The following SUPT3H variants were observed in gnomAD, a reference collection of about 807,000 sequenced individuals.
SUPT3H encodes transcription initiation protein SPT3 homolog.
SUPT3H carries 44 observed loss-of-function variants against 44.3 expected under a neutral mutation model. That is an observed-to-expected ratio of 0.99 (90% CI 0.78 to 1.28). The LOEUF is 1.28. SUPT3H is among the 50% of genes most tolerant of loss of function. The pLI, the probability that SUPT3H is intolerant of heterozygous loss-of-function variation, is 0.00. For synonymous variants in SUPT3H, 124 were observed against 125.6 expected (o/e 0.99, Z 0.09); for missense variants, 380 against 387.1 (o/e 0.98, Z 0.15).
chr6:44,905,510 T>C (rs889440190), intron 10 of SUPT3H, among the ~76,000 whole-genome samples: 1 of 150,640 alleles, frequency 6.6e-6, no homozygotes, highest in African/African-American at 2.4e-5. Flanking sequence ...CATTAAAAAG[T>C]CAGGAAACAA....
chr6:45,181,910 A>C (rs943167557), intron 2 of SUPT3H, among the ~76,000 whole-genome samples: 5 of 151,242 alleles, frequency 3.3e-5, no homozygotes, highest in Non-Finnish European at 5.9e-5. Context: ...TAATAAAACT[A>C]TACCTTGTCT....
intron 2 of SUPT3H, among the ~76,000 whole-genome samples, chr6:45,353,957 C>T (rs1581832210): frequency 6.6e-6 from 1 of 151,446 alleles, no homozygotes; most frequent in African/African-American, 2.4e-5. Flanking sequence ...CAGACAAGCA[C>T]AAAAGAAGAA....
chr6:44,862,704 T>TA (rs537220758), intron 10 of SUPT3H, among the ~76,000 whole-genome samples: 2 of 149,856 alleles, frequency 1.3e-5, no homozygotes, highest in South Asian at 4.2e-4. Flanking sequence ...AATATTAAAA[T>TA]AAAAAAAGAA....
At chr6:45,354,162 C>A (rs1792648382) in intron 2 of SUPT3H, among the ~76,000 whole-genome samples, 1 of 152,098 alleles carries the variant, frequency 6.6e-6, no homozygotes, top group African/African-American at 2.4e-5. Context: ...AAAAATTCCT[C>A]TATGACTTTC....
At chr6:44,844,085 T>C (rs1771468533) in intron 10 of SUPT3H, among the ~76,000 whole-genome samples, 1 of 151,556 alleles carries the variant, frequency 6.6e-6, no homozygotes, top group Non-Finnish European at 1.5e-5. Flanking sequence ...AGAGTCCAAA[T>C]AGACCTACAC....
chr6:44,925,037 C>T (rs2153458266), intron 10 of SUPT3H, among the ~76,000 whole-genome samples: 1 of 152,206 alleles, frequency 6.6e-6, no homozygotes, highest in Non-Finnish European at 1.5e-5. Flanking sequence ...AACAATCTGC[C>T]ATGCCACTTT....
intron 7 of SUPT3H, among the ~76,000 whole-genome samples, chr6:44,960,833 T>C (rs1227417655): frequency 6.6e-6 from 1 of 152,110 alleles, no homozygotes; most frequent in Non-Finnish European, 1.5e-5. Context: ...TTCCAAAACA[T>C]GTTTTCCTAT....
intron 3 of SUPT3H, among the ~76,000 whole-genome samples, chr6:45,054,847 G>C (rs141467348): frequency 6.6e-6 from 1 of 152,066 alleles, no homozygotes; most frequent in East Asian, 1.9e-4. Context: ...AACTTTGAAT[G>C]TGTGCCCTAA....
chr6:44,972,467 G>A (rs892238869), intron 6 of SUPT3H, among the ~76,000 whole-genome samples: 1 of 152,138 alleles, frequency 6.6e-6, no homozygotes, highest in Non-Finnish European at 1.5e-5. Context: ...TTCATGGGCT[G>A]GTGTTGAGTA....
At chr6:45,320,525 C>T (rs1255619972) in intron 2 of SUPT3H, among the ~76,000 whole-genome samples, 3 of 151,966 alleles carry the variant, frequency 2.0e-5, no homozygotes, top group African/African-American at 7.2e-5. Flanking sequence ...GTGATCCTCC[C>T]ACCTCAGCCT....
At chr6:44,830,009 C>T (rs1768337794) in intron 10 of SUPT3H, 152 bp from the exon 11 acceptor site, 4 of 659,636 alleles carry the variant, frequency 6.1e-6, no homozygotes, top group Middle Eastern at 2.9e-4. Context: ...GGTGGCAAAA[C>T]TATAGCAACC....
chr6:45,023,884 C>G (rs944771176), intron 3 of SUPT3H, among the ~76,000 whole-genome samples: 9 of 152,124 alleles, frequency 5.9e-5, no homozygotes, highest in African/African-American at 2.2e-4. Flanking sequence ...CAAACCTTCA[C>G]ATGTACCCCT....
At chr6:44,918,146 A>T (rs1254390587) in intron 10 of SUPT3H, among the ~76,000 whole-genome samples, 2 of 152,128 alleles carry the variant, frequency 1.3e-5, no homozygotes, top group African/African-American at 4.8e-5. Context: ...ATCCCCTTGA[A>T]ACCACTCCCA....
At chr6:44,975,641 G>A (rs1219734909) in intron 6 of SUPT3H, among the ~76,000 whole-genome samples, 1 of 8,656 alleles carries the variant, frequency 1.2e-4, no homozygotes, top group African/African-American at 1.7e-3. Flanking sequence ...CACTGCTCGG[G>A]TTACAGTGCA....
chr6:44,844,825 T>C (rs1433217246), intron 10 of SUPT3H, among the ~76,000 whole-genome samples: 1 of 152,142 alleles, frequency 6.6e-6, no homozygotes, highest in Non-Finnish European at 1.5e-5. Flanking sequence ...GTGATGGTGG[T>C]TTTATGGCTA....
chr6:44,919,540 G>A (rs1268655153), intron 10 of SUPT3H, among the ~76,000 whole-genome samples: 1 of 149,958 alleles, frequency 6.7e-6, no homozygotes, highest in Non-Finnish European at 1.5e-5. Context: ...CCTGAAATTA[G>A]TTTCCCTGGT....
At chr6:45,065,837 G>C (rs1793196386) in intron 3 of SUPT3H, among the ~76,000 whole-genome samples, 1 of 149,662 alleles carries the variant, frequency 6.7e-6, no homozygotes, top group African/African-American at 2.5e-5. Flanking sequence ...CAACCAAAAA[G>C]AGTCCAGGAC....
At chr6:45,063,403 TCTC>T (rs945021926) in intron 3 of SUPT3H, among the ~76,000 whole-genome samples, 6 of 150,860 alleles carry the variant, frequency 4.0e-5, no homozygotes, top group Non-Finnish European at 8.8e-5. Flanking sequence ...GCAGAGCGTC[TCTC>T]CTCCTCCAAA....
intron 2 of SUPT3H, among the ~76,000 whole-genome samples, chr6:45,346,567 C>CTTTTTTTTTTTTTTTTTTTTTT (rs71745024): frequency 1.4e-5 from 2 of 140,430 alleles, no homozygotes; most frequent in African/African-American, 2.6e-5. Flanking sequence ...ATAAACATTT[C>CTTTTTTTTTTTTTTTTTTTTTT]TTTTTTTTTT....
Sources: gnomAD v4.1 joint callset for allele counts (sites outside exome capture counted in the v4.1 genomes callset) on GRCh38, gnomAD v4.1.1 for gene constraint, MANE v1.5 for transcripts, NCBI Gene and HGNC (gene_info 2026-07-23, HGNC 2026-07-21) for gene names.